GLIS3: variants seen among roughly 807,000 people sequenced by gnomAD.
The protein encoded by GLIS3 is GLIS family zinc finger 3.
GLIS3 carries 53 observed loss-of-function variants against 78.6 expected under a neutral mutation model. That is an observed-to-expected ratio of 0.67 (90% CI 0.54 to 0.85). The LOEUF (loss-of-function observed/expected upper bound fraction) is 0.85, where lower values mean the gene tolerates loss of function less well. GLIS3 is among the 40% of genes least tolerant of loss of function. GLIS3 has a pLI of 0.00. For missense variants in GLIS3, 1,703 were observed against 1,231.1 expected, an observed-to-expected ratio of 1.38 and a Z score of -5.74; for synonymous variants, 684 against 509.9, an observed-to-expected ratio of 1.34 and a Z score of -4.60.
At chr9:4,180,109 G>C (rs905958097) in intron 2 of GLIS3, among the ~76,000 whole-genome samples, 2 of 152,074 alleles carry the variant, frequency 1.3e-5, no homozygotes, top group Non-Finnish European at 2.9e-5. Flanking sequence ...TCAAGGCTGA[G>C]CTGGGGAGAG....
chr9:4,216,086 T>C lies in GLIS3; in HGVS notation c.388+69952A>G, dbSNP rs529950535. On this transcript the variant is annotated intron_variant, in intron 2 of 10. Transcript: ENST00000381971. ...GACTACATATACTCAGAGAAGATTG[T>C]TTAAAAAAAAAACTTTGACTTTTTC... Among the ~76,000 whole-genome samples, 141 of 152,124 alleles carry C rather than the reference T, an allele frequency of 9.3e-4. 1 individual carries two copies. Among genetic ancestry groups the C allele is most frequent in the Non-Finnish European group, 1.7e-3 (117 of 67,964 alleles).
intron 8 of GLIS3, among the ~76,000 whole-genome samples, chr9:3,874,243 A>G (rs1486569591): frequency 3.3e-5 from 5 of 152,184 alleles, no homozygotes; most frequent in Admixed American, 3.3e-4. Context: ...CAATGATGTA[A>G]TCAATCACGC....
chr9:3,959,346 C>T (rs989821415), intron 4 of GLIS3, among the ~76,000 whole-genome samples: 16 of 152,140 alleles, frequency 1.1e-4, no homozygotes, highest in African/African-American at 3.9e-4. Flanking sequence ...TCCCAGCCTC[C>T]AAAACTGTAA....
chr9:4,069,283 G>C (rs1827384211), intron 4 of GLIS3, among the ~76,000 whole-genome samples: 5 of 152,200 alleles, frequency 3.3e-5, no homozygotes, highest in Admixed American at 3.3e-4. Flanking sequence ...GTCTCCTTCA[G>C]ATTCTGGCCT....
At chr9:4,346,344 A>C (rs1302267824) in intron 2 of GLIS3, among the ~76,000 whole-genome samples, 1 of 152,194 alleles carries the variant, frequency 6.6e-6, no homozygotes, top group Non-Finnish European at 1.5e-5. Context: ...ACAAAGCTTC[A>C]TTTGACAGTC....
chr9:4,237,901 C>G (rs998929488), intron 2 of GLIS3, among the ~76,000 whole-genome samples: 1 of 152,200 alleles, frequency 6.6e-6, no homozygotes, highest in African/African-American at 2.4e-5. Context: ...TTTCCCTTCC[C>G]TAGTTAATTC....
intron 4 of GLIS3, among the ~76,000 whole-genome samples, chr9:3,993,804 C>CTGT (rs561487419): frequency 2.6e-5 from 4 of 152,338 alleles, no homozygotes; most frequent in African/African-American, 7.2e-5. Context: ...TATTGGCCTA[C>CTGT]TGTTGTATTA....
chr9:4,291,409 G>C (rs1475741858), intron 1 of GLIS3, among the ~76,000 whole-genome samples: 1 of 151,864 alleles, frequency 6.6e-6, no homozygotes, highest in Non-Finnish European at 1.5e-5. Context: ...TCGAACCTGT[G>C]CAATCTAATC....
At chr9:4,112,754 G>A (rs1338666894) in intron 4 of GLIS3, among the ~76,000 whole-genome samples, 1 of 152,044 alleles carries the variant, frequency 6.6e-6, no homozygotes, top group African/African-American at 2.4e-5. Context: ...TTTATTTTTA[G>A]ATAAAATATA....
intron 9 of GLIS3, among the ~76,000 whole-genome samples, chr9:3,836,868 C>T (rs1394189841): frequency 6.6e-6 from 1 of 152,192 alleles, no homozygotes; most frequent in African/African-American, 2.4e-5. Flanking sequence ...CTTCTTCTTC[C>T]TCTCTGTGAC....
chr9:4,261,924 T>G (rs2130026282), intron 2 of GLIS3, among the ~76,000 whole-genome samples: 1 of 152,316 alleles, frequency 6.6e-6, no homozygotes, highest in African/African-American at 2.4e-5. Flanking sequence ...TGTAATACTG[T>G]CTCCAAAGAG....
chr9:4,304,769 C>T (rs1817185943), upstream of GLIS3, among the ~76,000 whole-genome samples: 1 of 152,188 alleles, frequency 6.6e-6, no homozygotes, highest in African/African-American at 2.4e-5. Flanking sequence ...CCCCAACTCA[C>T]CTCAAGTCTT....
intron 8 of GLIS3, among the ~76,000 whole-genome samples, chr9:3,866,063 C>G (rs9298979): frequency 0.74 from 112,988 of 152,034 alleles, 42,293 homozygotes; most frequent in East Asian, 0.97. Flanking sequence ...ATTGCCTGCT[C>G]TGGGATACTG....
intron 2 of GLIS3, among the ~76,000 whole-genome samples, chr9:4,250,296 T>G (rs574641656): frequency 6.6e-6 from 1 of 152,352 alleles, no homozygotes; most frequent in Admixed American, 6.5e-5. Context: ...TTTCAGAATT[T>G]GTTATTGACC....
At chr9:3,959,463 C>A (rs1258426731) in intron 4 of GLIS3, among the ~76,000 whole-genome samples, 1 of 152,152 alleles carries the variant, frequency 6.6e-6, no homozygotes, top group Admixed American at 6.5e-5. Context: ...AATGTAATTC[C>A]TCTGACTAGA....
At chr9:4,215,327 A>ATGTG (rs34915075) in intron 2 of GLIS3, among the ~76,000 whole-genome samples, 4 of 150,334 alleles carry the variant, frequency 2.7e-5, no homozygotes, top group Admixed American at 2.0e-4. Flanking sequence ...GTGTGTGCAT[A>ATGTG]TGTGTGTGTG....
intron 2 of GLIS3, among the ~76,000 whole-genome samples, chr9:4,170,562 G>T (rs908662245): frequency 3.9e-5 from 6 of 152,106 alleles, no homozygotes; most frequent in Non-Finnish European, 8.8e-5. Context: ...TGTTCTCCAA[G>T]CACATACCCA....
At chr9:4,429,700 A>G in the GLIS3 span, among the ~76,000 whole-genome samples, 1 of 152,162 alleles carries the variant, frequency 6.6e-6, no homozygotes, top group East Asian at 1.9e-4. Flanking sequence ...TGTTTTCACC[A>G]AACATTGAAT....
intron 2 of GLIS3, among the ~76,000 whole-genome samples, chr9:4,135,852 A>G (rs985195288): frequency 6.6e-6 from 1 of 152,014 alleles, no homozygotes; most frequent in Non-Finnish European, 1.5e-5. Context: ...TTTCATGAAT[A>G]CTCCTCCTTA....
Sources: allele counts gnomAD v4.1 joint callset (sites outside exome capture counted in the v4.1 genomes callset), GRCh38; gene constraint gnomAD v4.1.1; transcripts MANE v1.5; gene names NCBI Gene and HGNC (gene_info 2026-07-23, HGNC 2026-07-21).